The following SEMA4G variants were observed in gnomAD, a reference collection of about 807,000 sequenced individuals.
The protein encoded by SEMA4G is semaphorin-4G.
In SEMA4G, 59 loss-of-function variants were observed where a neutral mutation model predicts 81.2. The observed-to-expected ratio is 0.73, with a 90% CI of 0.59 to 0.90. The LOEUF is 0.90. SEMA4G is among the 40% of genes least tolerant of loss of function. SEMA4G has a pLI of 0.00. For missense variants in SEMA4G, 952 were observed against 1,102.3 expected, an observed-to-expected ratio of 0.86 and a Z score of 1.93; for synonymous variants, 404 against 433.9, an observed-to-expected ratio of 0.93 and a Z score of 0.86.
intron 10 of SEMA4G, 83 bp from the exon 12 acceptor site, chr10:100,980,495 G>A: frequency 7.2e-7 from 1 of 1,395,502 alleles, no homozygotes; most frequent in Non-Finnish European, 1.0e-6. Flanking sequence ...CAGGACTCCT[G>A]AGCTGTTCGT....
downstream of SEMA4G, chr10:100,985,125 C>G: frequency 2.2e-6 from 1 of 450,944 alleles, no homozygotes; most frequent in South Asian, 6.4e-5. Flanking sequence ...AATGAGCCAG[C>G]CTCTCTTTTG....
At position 100,978,726 on chromosome 10, in the gene SEMA4G, C is replaced by T. The variant is rs558479931; in HGVS notation, c.643+86C>T. The T allele has an allele frequency of 1.7e-5, 27 of 1,555,464 alleles. 3 individuals carry two copies. In the Admixed American group the frequency reaches 2.3e-4, roughly 13 times the overall value. ...CTTGGCCAGCTGACCACCCCACCCC[C>T]AAATCCCCAGGTGAGCCTGTCCATT... On this transcript the variant is annotated intron_variant, in intron 6 of 13. Transcript: ENST00000370250.
At position 100,983,912 on chromosome 10, in the gene SEMA4G, AC is replaced by A. The variant is rs746736051; in HGVS notation, c.2303del (p.Pro768HisfsTer10). 2.2e-5 allele frequency: 4 copies of A among 185,372 alleles called. No homozygotes were observed. The highest frequency in any genetic ancestry group is 3.3e-5 in the Non-Finnish European group (4 of 119,984). 11.5% of individuals were successfully genotyped at this position (185,372 alleles called of 1,614,324 possible). A position where few individuals can be genotyped will look rare whatever the true frequency, so the allele number is the denominator to read the frequency against. ...CTGGGGAGGGAGCCCCAGCCCCACC[AC>A]CCCCACCGCCCCCACCGCCACCGGC... On this transcript the variant is annotated frameshift_variant, in exon 14 of 14. Transcript: ENST00000370250. LOFTEE classifies it high-confidence loss of function.
chr10:100,978,726 C>A (rs558479931), intron 6 of SEMA4G, 86 bp downstream of exon 7: 1 of 1,555,464 alleles, frequency 6.4e-7, no homozygotes, highest in East Asian at 2.3e-5. Flanking sequence ...ACCCCACCCC[C>A]AAATCCCCAG....
upstream of SEMA4G, among the ~76,000 whole-genome samples, chr10:100,972,256 G>A (rs186181447): frequency 7.1e-4 from 108 of 152,236 alleles, no homozygotes; most frequent in Non-Finnish European, 1.4e-3. Flanking sequence ...TTGACTTGAG[G>A]GCCTAGTGGA....
At chr10:100,980,732 A>T in intron 11 of SEMA4G, 39 bp downstream of exon 12, 1 of 1,608,846 alleles carries the variant, frequency 6.2e-7, no homozygotes, top group South Asian at 1.1e-5. Context: ...GCCTTGCTGA[A>T]ATAGGAAGAG....
At chr10:100,971,764 G>T (rs1479104048), upstream of SEMA4G, among the ~76,000 whole-genome samples, 2 of 152,186 alleles carry the variant, frequency 1.3e-5, no homozygotes, top group African/African-American at 4.8e-5. Context: ...TTGGCTTGAG[G>T]GAGGGTCCAA....
At chr10:100,975,681 C>A (rs1318155404) in intron 3 of SEMA4G, among the ~76,000 whole-genome samples, 1 of 152,122 alleles carries the variant, frequency 6.6e-6, no homozygotes, top group Non-Finnish European at 1.5e-5. Flanking sequence ...CATGGTGAAA[C>A]CCTGTGTCTA....
exon 14 of SEMA4G, chr10:100,984,570 C>T (rs962694375): frequency 1.3e-6 from 2 of 1,536,076 alleles, no homozygotes; most frequent in Non-Finnish European, 1.7e-6. Flanking sequence ...TGAAACCAGA[C>T]AAGACCTCTG....
chr10:100,985,191 T>G (rs1031806643), downstream of SEMA4G: 5 of 338,668 alleles, frequency 1.5e-5, no homozygotes, highest in Admixed American at 1.7e-4. Flanking sequence ...AGGAGAAATC[T>G]GATGTCTCAA....
intron 8 of SEMA4G, among the ~76,000 whole-genome samples, chr10:100,979,606 C>T (rs1390506546): frequency 6.6e-6 from 1 of 152,126 alleles, no homozygotes; most frequent in African/African-American, 2.4e-5. Flanking sequence ...TGGTCTCGAT[C>T]TCTTGACCTC....
rs1850865899 is a variant in SEMA4G, at chr10:100,977,790, C to T, written c.435+60C>T. 2.2e-6 allele frequency: 3 copies of T among 1,386,398 alleles called. No homozygotes were observed. The South Asian group carries it at 3.5e-5, about 16-fold the overall frequency. The allele number at this position is 1,386,398 out of a possible 1,614,324, so 85.9% of individuals were successfully genotyped here. ...ACTTCATTAGGGATGGGATCATGTT[C>T]AAGATGCCAAAGAAGAGACTCAGAG... On this transcript the variant is annotated intron_variant, in intron 4 of 13. Coordinates refer to ENST00000370250, the Ensembl canonical transcript of SEMA4G.
At chr10:100,984,040 G>T in exon 14 of SEMA4G, 1 of 1,613,616 alleles carries the variant, frequency 6.2e-7, no homozygotes, top group African/African-American at 1.3e-5. Context: ...GTACCAGCAG[G>T]GCCCTGCTCC....
In SEMA4G at chr10:100,973,676, G is replaced by A; in HGVS notation, c.336+67G>A. ...TTCCTCAATCAGGGATGCCAGGATTGTTGGGGACACAGATGGGTAGGTACA... is the reference window on the plus strand; with the variant it reads ...TTCCTCAATCAGGGATGCCAGGATTATTGGGGACACAGATGGGTAGGTACA... On this transcript the variant is annotated intron_variant, in intron 3 of 13. Coordinates refer to ENST00000370250, the Ensembl canonical transcript of SEMA4G. The surrounding 1 kb of genome is among the most constrained non-coding windows in gnomAD (Gnocchi z 5.5). 1 of 1,465,928 alleles carries A rather than the reference G, an allele frequency of 6.8e-7. No individual in the cohort carries two copies. The highest frequency in any genetic ancestry group is 1.2e-5 in the South Asian group (1 of 83,994). The allele number at this position is 1,465,928 out of a possible 1,614,324, so 90.8% of individuals were successfully genotyped here.
At chr10:100,980,792 T>C in intron 11 of SEMA4G, 30 bp from the exon 13 acceptor site, 1 of 1,555,634 alleles carries the variant, frequency 6.4e-7, no homozygotes, top group Non-Finnish European at 8.7e-7. Context: ...GTGGGGACGC[T>C]GCCGACCAAC....
At chr10:100,977,014 G>A (rs1481692199) in intron 3 of SEMA4G, among the ~76,000 whole-genome samples, 1 of 152,158 alleles carries the variant, frequency 6.6e-6, no homozygotes, top group Non-Finnish European at 1.5e-5. Context: ...TAATTGTGGA[G>A]AGGGACTGAA....
At chr10:100,979,625 C>T (rs1464043770) in intron 8 of SEMA4G, among the ~76,000 whole-genome samples, 2 of 152,108 alleles carry the variant, frequency 1.3e-5, no homozygotes, top group African/African-American at 4.8e-5. Context: ...TCGTGATCTG[C>T]TCGCCTCGGC....
intron 8 of SEMA4G, 197 bp downstream of exon 9, chr10:100,979,468 C>T (rs931659732): frequency 1.4e-5 from 19 of 1,398,354 alleles, no homozygotes; most frequent in Middle Eastern, 2.6e-4. Context: ...CTGCAATCTC[C>T]GCCTCCCGGG....
intron 13 of SEMA4G, 35 bp from the exon 15 acceptor site, chr10:100,983,270 C>A (rs191363822): frequency 6.8e-7 from 1 of 1,475,262 alleles, no homozygotes; most frequent in Non-Finnish European, 9.0e-7. Flanking sequence ...CTTCCTGGGA[C>A]GGGCTGGTAC....
Sources: gnomAD v4.1 joint callset for allele counts (sites outside exome capture counted in the v4.1 genomes callset) on GRCh38, gnomAD v4.1.1 for gene constraint, Gnocchi (gnomAD v3.1) non-coding constraint, MANE v1.5 for transcripts, NCBI Gene and HGNC (gene_info 2026-07-23, HGNC 2026-07-21) for gene names.